CD244: variants seen among roughly 807,000 people sequenced by gnomAD.
The protein encoded by CD244 is CD244 molecule.
In CD244, 20 loss-of-function variants were observed where a neutral mutation model predicts 45.5. That is an observed-to-expected ratio of 0.44 (90% CI 0.31 to 0.64). The LOEUF (loss-of-function observed/expected upper bound fraction) is 0.64. Among genes scored for constraint, CD244 ranks in the 30% least tolerant of loss-of-function variants. CD244 has a pLI of 0.08. For synonymous variants in CD244, 185 were observed against 160.5 expected, an observed-to-expected ratio of 1.15 and a Z score of -1.15; for missense variants, 407 against 426.9, an observed-to-expected ratio of 0.95 and a Z score of 0.41.
chr1:160,843,722 G>T (rs1253253694), intron 1 of CD244, among the ~76,000 whole-genome samples: 5 of 152,226 alleles, frequency 3.3e-5, no homozygotes, highest in Non-Finnish European at 5.9e-5. Context: ...AAAGCACATT[G>T]TTAAAGTTAT....
chr1:160,841,473 T>C lies in CD244; in HGVS notation c.392A>G (p.Lys131Arg). Residue 131 changes from lysine to arginine, a missense_variant, in exon 3 of 9, where the codon AAA (lysine) becomes AGA (arginine). Physicochemically the swap from Lys to Arg is conservative, Grantham distance 26. Transcript: ENST00000368034. ...CTTCCCCTGCCCCTGTAGGCGGGGT[T>C]TCTCAACTTTATCTGGAAGCAGAGA... ...FQVFVFDKVE[K>R]PRLQGQGKIL... 1 of 1,614,018 alleles carries C rather than the reference T, an allele frequency of 6.2e-7. No individual in the cohort carries two copies. The highest frequency in any genetic ancestry group is 8.5e-7 in the Non-Finnish European group (1 of 1,179,974).
chr1:160,834,710 C>T (rs1669266270), intron 6 of CD244, among the ~76,000 whole-genome samples: 1 of 152,156 alleles, frequency 6.6e-6, no homozygotes, highest in Non-Finnish European at 1.5e-5. Context: ...TGCCCCATGC[C>T]ACAAATGAGG....
rs956636238 is a variant in CD244 at position 160,831,290 on chromosome 1, G to C, written c.*57C>G. 7.8e-7 allele frequency: 1 copy of C among 1,283,690 alleles called. No individual in the cohort carries two copies. Among genetic ancestry groups the C allele is most frequent in the African/African-American group, 1.5e-5 (1 of 68,462 alleles). The allele number at this position is 1,283,690 out of a possible 1,614,324, so 79.5% of individuals were successfully genotyped here. On this transcript the variant is annotated 3_prime_UTR_variant, in exon 9 of 9. Coordinates refer to ENST00000368034, the MANE Select transcript of CD244 (RefSeq NM_016382.4). Reference sequence around the variant, plus strand: ...AGAGACTCCTGTGCCGTCATCCACTGTGCCAATTCCCAAAGCAGATGCTGA... The same window carrying C: ...AGAGACTCCTGTGCCGTCATCCACTCTGCCAATTCCCAAAGCAGATGCTGA...
chr1:160,856,012 G>A (rs1055605484), intron 1 of CD244, among the ~76,000 whole-genome samples: 1 of 152,194 alleles, frequency 6.6e-6, no homozygotes, highest in East Asian at 1.9e-4. Context: ...GAGCACGGGA[G>A]GGTCTCAGAG....
chr1:160,856,278 C>T (rs1371137325), intron 1 of CD244, among the ~76,000 whole-genome samples: 9 of 152,144 alleles, frequency 5.9e-5, no homozygotes, highest in African/African-American at 2.2e-4. Flanking sequence ...ACCATATTAA[C>T]TCTCTTCCTC....
intron 8 of CD244, 112 bp from the exon 9 acceptor site, chr1:160,831,539 A>C: frequency 2.6e-6 from 2 of 778,592 alleles, no homozygotes. Context: ...TGAAGCTCAG[A>C]GTGACAAAAC....
Position 160,862,185 on chromosome 1 carries a change from T to C in CD244, c.61+432A>G, listed in dbSNP as rs112162349. On this transcript the variant is annotated intron_variant, in intron 1 of 8. Transcript: ENST00000368034. ...GCTGCTGGCCTCGCCCTCCCCTCCC[T>C]GGGCTCAGCTTTCCTGCCTCAGGGG... is the stretch of plus-strand genomic sequence containing the variant. 2.2e-3 allele frequency among the ~76,000 whole-genome samples: 338 copies of C among 152,326 alleles called. 1 individual carries two copies. Among genetic ancestry groups the C allele is most frequent in the South Asian group, 3.5e-3 (17 of 4,820 alleles).
chr1:160,835,998 C>A (rs1669318094), intron 6 of CD244, among the ~76,000 whole-genome samples, 197 bp downstream of exon 6: 1 of 152,208 alleles, frequency 6.6e-6, no homozygotes, highest in African/African-American at 2.4e-5. Flanking sequence ...CCACATCAGG[C>A]TTCCCAGCTG....
At chr1:160,832,831 A>G (rs1669174222) in intron 7 of CD244, 1 of 505,152 alleles carries the variant, frequency 2.0e-6, no homozygotes, top group South Asian at 1.6e-5. Flanking sequence ...TTCCATACCC[A>G]CATACACCTA....
chr1:160,836,186 G>C lies in CD244; in HGVS notation c.894+9C>G, dbSNP rs750589171. 145 of 1,610,572 alleles carry C rather than the reference G, an allele frequency of 9.0e-5. No homozygotes were observed. The highest frequency in any genetic ancestry group is 5.0e-5 in the Admixed American group (3 of 59,990). On this transcript the variant is annotated intron_variant, in intron 6 of 8. Coordinates refer to ENST00000368034, the MANE Select transcript of CD244 (RefSeq NM_016382.4). ...GGTATGGAATGGACTAGAGAAACTG[G>C]AGAGGTACCTGGGACTGGATCATAG... is the stretch of plus-strand genomic sequence containing the variant.
chr1:160,849,473 C>A (rs746832890), intron 1 of CD244, among the ~76,000 whole-genome samples: 6 of 151,842 alleles, frequency 4.0e-5, no homozygotes, highest in Non-Finnish European at 5.9e-5. Context: ...ACTAACAGGC[C>A]CTGGTGTGTG....
intron 1 of CD244, among the ~76,000 whole-genome samples, chr1:160,854,729 C>T (rs943774443): frequency 1.3e-5 from 2 of 152,118 alleles, no homozygotes; most frequent in African/African-American, 4.8e-5. Context: ...GATCTACAGT[C>T]CTCATGCTAT....
At chr1:160,860,365 G>A (rs1481264161) in intron 1 of CD244, among the ~76,000 whole-genome samples, 1 of 151,956 alleles carries the variant, frequency 6.6e-6, no homozygotes, top group African/African-American at 2.4e-5. Flanking sequence ...ATGAAGAAAG[G>A]TTAAAGTATG....
At chr1:160,836,304 C>T in intron 5 of CD244, 50 bp from the exon 6 acceptor site, 2 of 1,457,302 alleles carry the variant, frequency 1.4e-6, no homozygotes, top group South Asian at 2.3e-5. Context: ...TCGGTCTGTC[C>T]AGATTTAGAT....
intron 3 of CD244, among the ~76,000 whole-genome samples, chr1:160,840,805 C>G (rs553319826): frequency 6.6e-6 from 1 of 152,294 alleles, no homozygotes; most frequent in African/African-American, 2.4e-5. Context: ...TGCTCCTGCT[C>G]CAGGCTACTG....
intron 6 of CD244, among the ~76,000 whole-genome samples, chr1:160,835,372 C>T (rs1669297879): frequency 6.6e-6 from 1 of 152,108 alleles, no homozygotes; most frequent in Admixed American, 6.5e-5. Flanking sequence ...ACCTGAGTCT[C>T]GGTTTCCTCA....
In CD244 at chr1:160,841,759, C is replaced by T; in HGVS notation, c.204G>A (p.Lys68=). The T allele has an allele frequency of 6.2e-7, 1 of 1,614,228 alleles. No homozygotes were observed. The highest frequency in any genetic ancestry group is 8.5e-7 in the Non-Finnish European group (1 of 1,180,036). Reference sequence around the variant, plus strand: ...TGGAAGGCAAAGAGCCATTCTCCCACTTCAATATGTGATGAAATCCATTTT... The same window carrying T: ...TGGAAGGCAAAGAGCCATTCTCCCATTTCAATATGTGATGAAATCCATTTT... ...PSQNGFHHIL[K]WENGSLPSNT... The change falls in exon 2 of 9, where the codon AAG becomes AAA. Residue 68 remains lysine (K), a synonymous_variant. Coordinates refer to ENST00000368034, the MANE Select transcript of CD244 (RefSeq NM_016382.4).
chr1:160,844,015 C>T (rs963886275), intron 1 of CD244, among the ~76,000 whole-genome samples: 18 of 152,112 alleles, frequency 1.2e-4, no homozygotes, highest in African/African-American at 2.9e-4. Context: ...TAAGAGTGAA[C>T]GAGAAATGAA....
At chr1:160,841,539 C>T (rs1287397093) in intron 2 of CD244, 45 bp downstream of exon 2, 30 of 1,611,952 alleles carry the variant, frequency 1.9e-5, no homozygotes, top group Non-Finnish European at 2.4e-5. Context: ...ACTTAGAGGC[C>T]TATAGGAATC....
Sources: gnomAD v4.1 joint callset for allele counts (sites outside exome capture counted in the v4.1 genomes callset) on GRCh38, gnomAD v4.1.1 for gene constraint, MANE v1.5 for transcripts, NCBI Gene and HGNC (gene_info 2026-07-23, HGNC 2026-07-21) for gene names.